HIPK1: variants seen among roughly 807,000 people sequenced by gnomAD.
HIPK1 encodes homeodomain interacting protein kinase 1.
In HIPK1, 28 loss-of-function variants were observed where a neutral mutation model predicts 117.1. The ratio of observed to expected loss-of-function variants is 0.24; its 90% confidence interval spans 0.18 to 0.33. HIPK1 has a LOEUF of 0.33. Ranked by LOEUF, HIPK1 falls within the 10% of genes least tolerant of loss-of-function variation. The pLI is 1.00. For synonymous variants in HIPK1, 605 were observed against 562.5 expected (o/e 1.08, Z -1.07); for missense variants, 1,122 against 1,475.1 (o/e 0.76, Z 3.92).
At position 113,929,472 on chromosome 1, in the gene HIPK1, C is replaced by A; in HGVS notation, c.-63C>A. On this transcript the variant is annotated 5_prime_UTR_variant, in exon 1 of 16. Transcript: ENST00000426820. ...CCACCTACTCGAGGCCCACCGACTC[C>A]TACTGCAATCAGTACTATGCGATCG... 1 of 1,289,424 alleles carries A rather than the reference C, an allele frequency of 7.8e-7. No homozygotes were observed. Among genetic ancestry groups the A allele is most frequent in the East Asian group, 5.5e-5 (1 of 18,066 alleles). The allele number at this position is 1,289,424 out of a possible 1,614,324, so 79.9% of individuals were successfully genotyped here. A position where few individuals can be genotyped will look rare whatever the true frequency, so the allele number is the denominator to read the frequency against.
At position 113,940,511 on chromosome 1, in the gene HIPK1, A is replaced by G. The variant is rs1670577420; in HGVS notation, c.128A>G (p.Tyr43Cys). ...VSGQSSNDKYYTHSKTLPATQ... is the reference protein window; with the variant it reads ...VSGQSSNDKYCTHSKTLPATQ... Reference sequence around the variant, plus strand: ...GGACAGAGTAGCAACGACAAATATTATACCCACAGCAAAACCCTCCCAGCC... The same window carrying G: ...GGACAGAGTAGCAACGACAAATATTGTACCCACAGCAAAACCCTCCCAGCC... Residue 43 changes from tyrosine to cysteine, a missense_variant, in exon 2 of 16, where the codon TAT (tyrosine) becomes TGT (cysteine). Around this residue, in one of 6 missense-constraint regions of HIPK1, gnomAD observed 192 missense variants for 234.0 expected, o/e 0.82. Coordinates refer to ENST00000426820, the MANE Select transcript of HIPK1 (RefSeq NM_198268.3). The G allele has an allele frequency of 6.2e-7, 1 of 1,614,064 alleles. No individual in the cohort carries two copies. The highest frequency in any genetic ancestry group is 1.7e-5 in the Admixed American group (1 of 59,994).
Position 113,962,416 on chromosome 1 carries a change from T to A in HIPK1, c.2081T>A (p.Ile694Asn). ...GCACCAGCTGCTCAGCCACTACAGATTCAGTCAGGAGTTCTCACGCAGGTA... is the reference window on the plus strand; with the variant it reads ...GCACCAGCTGCTCAGCCACTACAGAATCAGTCAGGAGTTCTCACGCAGGTA... Reference protein sequence around the residue: ...PQAPAAQPLQIQSGVLTQGSC... With the variant: ...PQAPAAQPLQNQSGVLTQGSC... The change falls in exon 9 of 16, where the codon ATT (isoleucine) becomes AAT (asparagine). Residue 694 changes from isoleucine (I) to asparagine (N), a missense_variant. Transcript: ENST00000426820. The A allele has an allele frequency of 6.2e-7, 1 of 1,613,818 alleles. No individual in the cohort carries two copies. Among genetic ancestry groups the A allele is most frequent in the Non-Finnish European group, 8.5e-7 (1 of 1,179,822 alleles).
Position 113,976,980 on chromosome 1 carries a change from T to G in HIPK1, c.*3468T>G, listed in dbSNP as rs148175995. ...GGTGATATTATTTTCAGTGCTCAGC[T>G]GAAATACCAACCCCAGGAATAAGAA... On this transcript the variant is annotated 3_prime_UTR_variant, in exon 16 of 16. Transcript: ENST00000426820. 115 of 152,922 alleles carry G rather than the reference T, an allele frequency of 7.5e-4. No individual in the cohort carries two copies. Among genetic ancestry groups the G allele is most frequent in the African/African-American group, 2.6e-3 (107 of 41,570 alleles). 9.5% of individuals were successfully genotyped at this position (152,922 alleles called of 1,614,324 possible). A position where few individuals can be genotyped will look rare whatever the true frequency, so the allele number is the denominator to read the frequency against.
chr1:113,938,038 C>CA (rs1022309551), intron 1 of HIPK1, among the ~76,000 whole-genome samples: 3 of 151,612 alleles, frequency 2.0e-5, no homozygotes, highest in Non-Finnish European at 4.4e-5. Context: ...AATCACAACT[C>CA]ACTGTAGCCT....
At chr1:113,950,268 G>A (rs1445553026) in intron 2 of HIPK1, among the ~76,000 whole-genome samples, 1 of 152,196 alleles carries the variant, frequency 6.6e-6, no homozygotes, top group African/African-American at 2.4e-5. Context: ...CTTGAAAGTA[G>A]TTTGAGAAAC....
At chr1:113,949,233 A>G (rs1167948299) in intron 2 of HIPK1, among the ~76,000 whole-genome samples, 1 of 152,216 alleles carries the variant, frequency 6.6e-6, no homozygotes, top group African/African-American at 2.4e-5. Flanking sequence ...CTAGTATGGT[A>G]GGAATAGCAA....
At chr1:113,935,639 T>C (rs2101130729) in intron 1 of HIPK1, among the ~76,000 whole-genome samples, 1 of 152,318 alleles carries the variant, frequency 6.6e-6, no homozygotes, top group South Asian at 2.1e-4. Flanking sequence ...TATACTCCCA[T>C]CAGCAGTATA....
intron 1 of HIPK1, among the ~76,000 whole-genome samples, chr1:113,933,499 A>G (rs1571639053): frequency 6.6e-6 from 1 of 151,334 alleles, no homozygotes; most frequent in South Asian, 2.1e-4. Context: ...GGATAGGTAC[A>G]CTTTTTTTTT....
intron 1 of HIPK1, chr1:113,933,268 G>A (rs201572556): frequency 5.7e-6 from 5 of 870,364 alleles, no homozygotes; most frequent in East Asian, 2.4e-4. Flanking sequence ...AAGCCTAAGG[G>A]GGAAAATGAA....
chr1:113,951,305 A>C, intron 2 of HIPK1: 1 of 977,076 alleles, frequency 1.0e-6, no homozygotes, highest in Non-Finnish European at 1.2e-6. Flanking sequence ...ATGTACTTTT[A>C]CTTATTGAGA....
At chr1:113,952,998 A>T in intron 3 of HIPK1, 109 bp downstream of exon 3, 1 of 1,041,070 alleles carries the variant, frequency 9.6e-7, no homozygotes, top group Non-Finnish European at 1.3e-6. Context: ...TAATAGGGAA[A>T]GAGTAGTCCA....
At position 113,967,786 on chromosome 1, in the gene HIPK1, A is replaced by G. The variant is rs1287324280; in HGVS notation, c.2402A>G (p.Asn801Ser). The G allele has an allele frequency of 3.2e-6, 5 of 1,552,174 alleles. No homozygotes were observed. Among genetic ancestry groups the G allele is most frequent in the Non-Finnish European group, 3.5e-6 (4 of 1,153,406 alleles). Residue 801 changes from asparagine (N) to serine (S), a missense_variant, in exon 12 of 16, where the codon AAC becomes AGC. This residue lies in a region of HIPK1 where 731 missense variants were observed against 860.4 expected (regional missense o/e 0.85). Coordinates refer to ENST00000426820, the MANE Select transcript of HIPK1 (RefSeq NM_198268.3). The part of the protein sequence containing the change: ...ADWRNAHSHG[N>S]QYSTIMQQPS... ...TACAGGAATGCCCACTCTCATGGCA[A>G]CCAGTACAGCACTATCATGCAGCAG...
At chr1:113,935,828 CTTT>C (rs1267995543) in intron 1 of HIPK1, among the ~76,000 whole-genome samples, 1 of 152,124 alleles carries the variant, frequency 6.6e-6, no homozygotes, top group Non-Finnish European at 1.5e-5. Context: ...TCAAAAATAG[CTTT>C]TTAATTTATT....
At chr1:113,934,632 A>C (rs1033410992) in intron 1 of HIPK1, among the ~76,000 whole-genome samples, 1 of 152,080 alleles carries the variant, frequency 6.6e-6, no homozygotes, top group Non-Finnish European at 1.5e-5. Flanking sequence ...CAAGAGGCGC[A>C]GCATTTTCAG....
chr1:113,962,163 A>G (rs924878179), intron 8 of HIPK1, among the ~76,000 whole-genome samples, 154 bp from the exon 9 acceptor site: 1 of 152,184 alleles, frequency 6.6e-6, no homozygotes, highest in Admixed American at 6.5e-5. Context: ...CTTAACTTCC[A>G]AGACTTCTAT....
intron 2 of HIPK1, among the ~76,000 whole-genome samples, chr1:113,949,483 G>A (rs1671205464): frequency 6.6e-6 from 1 of 152,044 alleles, no homozygotes; most frequent in Non-Finnish European, 1.5e-5. Flanking sequence ...CTTGTGCAGT[G>A]TTGAAAACAT....
chr1:113,945,834 T>C (rs1670951949), intron 2 of HIPK1, among the ~76,000 whole-genome samples: 1 of 152,186 alleles, frequency 6.6e-6, no homozygotes, highest in Admixed American at 6.5e-5. Flanking sequence ...TTTGGGGTCT[T>C]TGAGGGTCCA....
At chr1:113,949,880 A>T (rs11102706) in intron 2 of HIPK1, among the ~76,000 whole-genome samples, 1 of 151,980 alleles carries the variant, frequency 6.6e-6, no homozygotes, top group Non-Finnish European at 1.5e-5. Flanking sequence ...TATTACAGGC[A>T]TGAGCCACCG....
At position 113,977,223 on chromosome 1, in the gene HIPK1, C is replaced by T. The variant is rs1673184908; in HGVS notation, c.*3711C>T. ...CAGTGACAGGAGTGGCCCGAGCCTG[C>T]TTCCTATTTTGATTTTTTTTTTTTT... On this transcript the variant is annotated 3_prime_UTR_variant, in exon 16 of 16. Transcript: ENST00000426820. The T allele has an allele frequency of 6.6e-6, 1 of 152,112 alleles. No individual in the cohort carries two copies. Among genetic ancestry groups the T allele is most frequent in the Non-Finnish European group, 1.5e-5 (1 of 67,916 alleles). The allele number at this position is 152,112 out of a possible 1,614,324, so 9.4% of individuals were successfully genotyped here. A position where few individuals can be genotyped will look rare whatever the true frequency, so the allele number is the denominator to read the frequency against.
Sources: allele counts gnomAD v4.1 joint callset (sites outside exome capture counted in the v4.1 genomes callset), GRCh38; gene constraint gnomAD v4.1.1; regional missense constraint gnomAD v4.1.1; transcripts MANE v1.5; gene names NCBI Gene and HGNC (gene_info 2026-07-23, HGNC 2026-07-21).